Variants in MEGF10 observed in about 807,000 individuals in gnomAD.
The protein encoded by MEGF10 is multiple epidermal growth factor-like domains protein 10.
A neutral mutation model predicts 147.5 loss-of-function variants in MEGF10; 86 were observed. The observed-to-expected ratio is 0.58, with a 90% confidence interval of 0.49 to 0.70. The LOEUF (loss-of-function observed/expected upper bound fraction) is 0.70, where lower values mean the gene tolerates loss of function less well. Among genes scored for constraint, MEGF10 ranks in the 30% least tolerant of loss-of-function variants. The probability of loss-of-function intolerance (pLI) is 0.00; values close to 1 mark genes in which losing one functional copy is unlikely to be tolerated. For missense variants in MEGF10, 1,329 were observed against 1,487.3 expected (o/e 0.89, Z 1.75); for synonymous variants, 478 against 525.5 (o/e 0.91, Z 1.24).
chr5:127,273,182 G>A, the MEGF10 span, among the ~76,000 whole-genome samples: 1 of 152,200 alleles, frequency 6.6e-6, no homozygotes, highest in Non-Finnish European at 1.5e-5. Context: ...AACCCTGATG[G>A]CATGGGCTCA....
At chr5:127,424,934 A>T (rs753935012) in intron 13 of MEGF10, among the ~76,000 whole-genome samples, 5 of 152,206 alleles carry the variant, frequency 3.3e-5, no homozygotes, top group Admixed American at 1.3e-4. Flanking sequence ...GCAAAATAAC[A>T]TTTTTAACCT....
Position 127,391,781 on chromosome 5 carries a change from G to A in MEGF10, c.413-4751G>A, listed in dbSNP as rs151225186. On this transcript the variant is annotated intron_variant, in intron 5 of 24. Coordinates refer to ENST00000503335, the MANE Select transcript of MEGF10 (RefSeq NM_001256545.2). ...TACAAAACCTTCTATTGACTCTGCT[G>A]AAATGAAGAAAGAGTGTCATTGCAT... is the stretch of plus-strand genomic sequence containing the variant. Among the ~76,000 whole-genome samples the A allele has an allele frequency of 3.1e-3, 471 of 152,236 alleles. 4 individuals carry two copies. Among genetic ancestry groups the A allele is most frequent in the African/African-American group, 0.011 (449 of 41,536 alleles).
chr5:127,268,759 G>A, the MEGF10 span, among the ~76,000 whole-genome samples: 1 of 152,222 alleles, frequency 6.6e-6, no homozygotes, highest in East Asian at 1.9e-4. Flanking sequence ...CTAGCACGGA[G>A]TTTGAGATCT....
At chr5:127,244,759 T>A in the MEGF10 span, among the ~76,000 whole-genome samples, 9 of 152,196 alleles carry the variant, frequency 5.9e-5, no homozygotes, top group African/African-American at 2.2e-4. Flanking sequence ...CAAGCTATTG[T>A]CAAAATGCAA....
chr5:127,381,804 G>T (rs1763274921), intron 5 of MEGF10, among the ~76,000 whole-genome samples: 1 of 152,140 alleles, frequency 6.6e-6, no homozygotes, highest in African/African-American at 2.4e-5. Flanking sequence ...CTGAGTAGCT[G>T]GGACTACAGG....
intron 8 of MEGF10, among the ~76,000 whole-genome samples, chr5:127,408,170 A>C (rs1356825686): frequency 3.3e-5 from 5 of 152,222 alleles, no homozygotes; most frequent in African/African-American, 4.8e-5. Flanking sequence ...GTTCCCTGTA[A>C]TTTGGTAACA....
chr5:127,402,095 A>G (rs1764155354), intron 7 of MEGF10, among the ~76,000 whole-genome samples: 2 of 152,244 alleles, frequency 1.3e-5, no homozygotes, highest in African/African-American at 4.8e-5. Flanking sequence ...TATTTTCTCT[A>G]GAACACATGG....
chr5:127,399,581 T>C (rs1421786826), intron 7 of MEGF10, among the ~76,000 whole-genome samples: 1 of 152,238 alleles, frequency 6.6e-6, no homozygotes, highest in African/African-American at 2.4e-5. Flanking sequence ...TCTATTTCCA[T>C]GAGCAGTGCT....
chr5:127,389,820 G>A (rs894351687), intron 5 of MEGF10, among the ~76,000 whole-genome samples: 1 of 152,014 alleles, frequency 6.6e-6, no homozygotes, highest in Non-Finnish European at 1.5e-5. Flanking sequence ...TAACTATTAG[G>A]TACTAGGCTT....
At chr5:127,230,109 A>G in the MEGF10 span, among the ~76,000 whole-genome samples, 1 of 152,106 alleles carries the variant, frequency 6.6e-6, no homozygotes, top group East Asian at 1.9e-4. Context: ...TAGTTTGTCC[A>G]TGTCGTTCCC....
the MEGF10 span, among the ~76,000 whole-genome samples, chr5:127,234,435 T>C: frequency 2.0e-5 from 3 of 152,226 alleles, no homozygotes; most frequent in Non-Finnish European, 4.4e-5. Context: ...GGATATTGAA[T>C]AGACAACTAA....
chr5:127,388,518 T>TC (rs1763522294), intron 5 of MEGF10, among the ~76,000 whole-genome samples: 1 of 12,556 alleles, frequency 8.0e-5, no homozygotes, highest in Non-Finnish European at 3.6e-4. Context: ...CTTTTTTCTT[T>TC]TTATTTATTT....
At chr5:127,332,868 ACTT>A (rs1761317993) in intron 2 of MEGF10, among the ~76,000 whole-genome samples, 1 of 152,154 alleles carries the variant, frequency 6.6e-6, no homozygotes, top group African/African-American at 2.4e-5. Context: ...TGGTAGTTGA[ACTT>A]CTTGGAGGGA....
intron 4 of MEGF10, among the ~76,000 whole-genome samples, chr5:127,366,593 A>G (rs1762664744): frequency 6.6e-6 from 1 of 152,232 alleles, no homozygotes; most frequent in Non-Finnish European, 1.5e-5. Context: ...CTTACAGGCA[A>G]ATTTGTTTTC....
At chr5:127,359,666 C>A in intron 4 of MEGF10, among the ~76,000 whole-genome samples, 1 of 152,114 alleles carries the variant, frequency 6.6e-6, no homozygotes. Context: ...TTTTACTCAT[C>A]ATAATCATTT....
rs375264728 is a variant in MEGF10, at chr5:127,432,552, CAAGA to C, written c.1694-806_1694-803del. On this transcript the variant is annotated intron_variant, in intron 13 of 24. Coordinates refer to ENST00000503335, the MANE Select transcript of MEGF10 (RefSeq NM_001256545.2). Reference sequence around the variant, plus strand: ...TTCTTTGAGTTGTGAGGAATTCTGGCAAGAAAGAGGCCCCTGTTGTATTTCCAAT... The same window carrying C: ...TTCTTTGAGTTGTGAGGAATTCTGGCAAGAGGCCCCTGTTGTATTTCCAAT... Among the ~76,000 whole-genome samples, 38 of 152,308 alleles carry C rather than the reference CAAGA, an allele frequency of 2.5e-4. No individual in the cohort carries two copies. The East Asian group carries it at 3.1e-3, about 12-fold the overall frequency.
intron 1 of MEGF10, among the ~76,000 whole-genome samples, chr5:127,303,409 G>A (rs943262000): frequency 1.3e-5 from 2 of 150,610 alleles, no homozygotes; most frequent in African/African-American, 2.4e-5. Flanking sequence ...CTGGAAACCC[G>A]GCTGCCAGTG....
intron 10 of MEGF10, 53 bp downstream of exon 10, chr5:127,417,865 C>A: frequency 1.3e-6 from 2 of 1,554,788 alleles, no homozygotes; most frequent in South Asian, 1.2e-5. Context: ...TGTGAAGCAT[C>A]TCAATACCAT....
chr5:127,246,432 C>T, the MEGF10 span, among the ~76,000 whole-genome samples: 3 of 151,896 alleles, frequency 2.0e-5, no homozygotes, highest in Non-Finnish European at 2.9e-5. Context: ...GGGAGGGGAA[C>T]ATCACACACC....
Sources: allele counts gnomAD v4.1 joint callset (sites outside exome capture counted in the v4.1 genomes callset), GRCh38; gene constraint gnomAD v4.1.1; transcripts MANE v1.5; gene names NCBI Gene and HGNC (gene_info 2026-07-23, HGNC 2026-07-21).